The following FGF12 variants were observed in gnomAD, a reference collection of about 807,000 sequenced individuals.
FGF12 encodes the protein fibroblast growth factor 12.
A neutral mutation model predicts 23.6 loss-of-function variants in FGF12; 14 were observed. The ratio of observed to expected loss-of-function variants is 0.59; its 90% confidence interval spans 0.39 to 0.93. FGF12 has a LOEUF of 0.93. Ranked by LOEUF, FGF12 falls within the 40% of genes least tolerant of loss-of-function variation. The pLI is 0.00. For missense variants in FGF12, 175 were observed against 217.8 expected, an observed-to-expected ratio of 0.80 and a Z score of 1.24; for synonymous variants, 62 against 77.3, an observed-to-expected ratio of 0.80 and a Z score of 1.04.
chr3:192,263,236 C>G (rs1712872588), intron 4 of FGF12, among the ~76,000 whole-genome samples: 1 of 151,978 alleles, frequency 6.6e-6, no homozygotes, highest in African/African-American at 2.4e-5. Context: ...TTCGAGTAAT[C>G]AAGTAAACAT....
intron 2 of FGF12, among the ~76,000 whole-genome samples, chr3:192,538,904 T>G (rs1725298438): frequency 6.6e-6 from 1 of 152,204 alleles, no homozygotes; most frequent in Non-Finnish European, 1.5e-5. Flanking sequence ...TTGTAGTTAT[T>G]GCAAACGGGA....
intron 4 of FGF12, among the ~76,000 whole-genome samples, chr3:192,265,665 G>A (rs979543303): frequency 5.3e-5 from 8 of 151,938 alleles, no homozygotes; most frequent in African/African-American, 1.5e-4. Flanking sequence ...ACACAGCCAT[G>A]CTCATTCATT....
chr3:192,158,675 T>TCCATCC, intron 5 of FGF12, among the ~76,000 whole-genome samples: 1 of 63,614 alleles, frequency 1.6e-5, no homozygotes. Context: ...CCTCCCTCCC[T>TCCATCC]CTCTCTCTCT....
chr3:192,288,496 G>C (rs760965057), intron 4 of FGF12, among the ~76,000 whole-genome samples: 2 of 151,878 alleles, frequency 1.3e-5, no homozygotes, highest in Non-Finnish European at 2.9e-5. Flanking sequence ...TTTTGTTATA[G>C]CTGATATCCA....
At chr3:192,523,430 G>T (rs1024302812) in intron 2 of FGF12, among the ~76,000 whole-genome samples, 1 of 152,076 alleles carries the variant, frequency 6.6e-6, no homozygotes. Context: ...TTACATTTAG[G>T]TGACATTGGG....
At chr3:192,666,952 T>TAGATAGAC (rs1716899478) in intron 2 of FGF12, among the ~76,000 whole-genome samples, 1 of 147,160 alleles carries the variant, frequency 6.8e-6, no homozygotes, top group African/African-American at 2.6e-5. Flanking sequence ...GATAGATAGA[T>TAGATAGAC]AGATAGACAT....
chr3:192,687,289 C>T lies in FGF12; in HGVS notation c.13+39892G>A, dbSNP rs777927845. Reference sequence around the variant, plus strand: ...CAGTAGCATTCTGGGGAGTGATGGCCATGTGACTTGCCTGGGGATCTGAAC... The same window carrying T: ...CAGTAGCATTCTGGGGAGTGATGGCTATGTGACTTGCCTGGGGATCTGAAC... On this transcript the variant is annotated intron_variant, in intron 2 of 5. Transcript: ENST00000445105. Among the ~76,000 whole-genome samples the T allele has an allele frequency of 2.6e-5, 4 of 151,580 alleles. No homozygotes were observed. In the South Asian group the frequency reaches 8.4e-4, roughly 32 times the overall value.
chr3:192,403,618 T>C (rs930664053), intron 2 of FGF12, among the ~76,000 whole-genome samples: 3 of 151,764 alleles, frequency 2.0e-5, no homozygotes, highest in African/African-American at 7.3e-5. Flanking sequence ...CAGATATGAG[T>C]CATACTTTCA....
chr3:192,254,190 A>G (rs1712222511), intron 4 of FGF12, among the ~76,000 whole-genome samples: 1 of 151,780 alleles, frequency 6.6e-6, no homozygotes, highest in Admixed American at 6.6e-5. Context: ...CCTCTCCCCA[A>G]GACCCAGGTA....
chr3:192,232,549 C>A (rs1719078996), intron 4 of FGF12, among the ~76,000 whole-genome samples: 1 of 89,014 alleles, frequency 1.1e-5, no homozygotes, highest in Non-Finnish European at 2.1e-5. Flanking sequence ...ATTTATTTTT[C>A]TTTTCCACTT....
intron 2 of FGF12, among the ~76,000 whole-genome samples, chr3:192,607,962 T>C (rs1395133116): frequency 6.6e-6 from 1 of 152,042 alleles, no homozygotes; most frequent in Non-Finnish European, 1.5e-5. Flanking sequence ...GTTAGGAACA[T>C]GTCCTTGCCA....
At chr3:192,473,239 C>T (rs751343961) in intron 2 of FGF12, among the ~76,000 whole-genome samples, 2 of 152,154 alleles carry the variant, frequency 1.3e-5, no homozygotes, top group Admixed American at 6.5e-5. Flanking sequence ...CACCTCACCC[C>T]TCAAGCTGCA....
At chr3:192,466,241 G>C (rs1723008933) in intron 2 of FGF12, among the ~76,000 whole-genome samples, 2 of 152,104 alleles carry the variant, frequency 1.3e-5, no homozygotes, top group South Asian at 4.1e-4. Context: ...TAACATTATA[G>C]GATTACCATC....
rs1415585164 is a variant in FGF12, at chr3:192,408,149, C to T, written c.14-47611G>A. 2.5e-6 allele frequency: 4 copies of T among 1,611,796 alleles called. No individual in the cohort carries two copies. The highest frequency in any genetic ancestry group is 1.1e-5 in the South Asian group (1 of 91,040). ...TGGGGCTGGAGCGGCGCTTGGAGGC[C>T]GACACTCGGTCGCTGTTGGACTCCC... On this transcript the variant is annotated intron_variant, in intron 2 of 5. Coordinates refer to ENST00000445105, the MANE Select transcript of FGF12 (RefSeq NM_004113.6). This position sits in a 1 kb window ranked among gnomAD's most constrained non-coding sequence, Gnocchi z 7.3.
At chr3:192,573,941 G>A (rs903359066) in intron 2 of FGF12, among the ~76,000 whole-genome samples, 1 of 152,192 alleles carries the variant, frequency 6.6e-6, no homozygotes, top group African/African-American at 2.4e-5. Flanking sequence ...GTTTAACCCA[G>A]TTTTCTCCTT....
intron 2 of FGF12, among the ~76,000 whole-genome samples, chr3:192,503,603 G>GTGT (rs1560131886): frequency 1.0e-5 from 1 of 99,120 alleles, no homozygotes; most frequent in Admixed American, 1.0e-4. Flanking sequence ...GTGTGTGTGT[G>GTGT]TTTTTTTTTT....
chr3:192,518,376 TTAC>T (rs912838007), intron 2 of FGF12, among the ~76,000 whole-genome samples: 2 of 152,176 alleles, frequency 1.3e-5, no homozygotes, highest in African/African-American at 4.8e-5. Flanking sequence ...TTAAAAATAA[TTAC>T]TAAGAGTTTG....
chr3:192,352,810 T>C (rs1718284460), intron 3 of FGF12, among the ~76,000 whole-genome samples: 1 of 152,188 alleles, frequency 6.6e-6, no homozygotes, highest in African/African-American at 2.4e-5. Context: ...AATAACTAAT[T>C]CAAGGGCAAA....
chr3:192,470,373 TTTGTTGTTG>T (rs559328017), intron 2 of FGF12, among the ~76,000 whole-genome samples: 2 of 151,828 alleles, frequency 1.3e-5, no homozygotes, highest in South Asian at 4.2e-4. Flanking sequence ...GTAATGGAAC[TTTGTTGTTG>T]TTGTTGTTGT....
Sources: gnomAD v4.1 joint callset for allele counts (sites outside exome capture counted in the v4.1 genomes callset) on GRCh38, gnomAD v4.1.1 for gene constraint, Gnocchi (gnomAD v3.1) non-coding constraint, MANE v1.5 for transcripts, NCBI Gene and HGNC (gene_info 2026-07-23, HGNC 2026-07-21) for gene names.